Variants in KNTC1 observed in about 807,000 individuals in gnomAD.
KNTC1 encodes kinetochore-associated protein 1.
A neutral mutation model predicts 314.4 loss-of-function variants in KNTC1; 253 were observed. That is an observed-to-expected ratio of 0.80 (90% confidence interval 0.73 to 0.89). The LOEUF (loss-of-function observed/expected upper bound fraction) is 0.89, where lower values mean the gene tolerates loss of function less well. Ranked by LOEUF, KNTC1 falls within the 40% of genes least tolerant of loss-of-function variation. The pLI, the probability that KNTC1 is intolerant of heterozygous loss-of-function variation, is 0.00. For missense variants in KNTC1, 2,475 were observed against 2,572.9 expected (o/e 0.96, Z 0.82); for synonymous variants, 901 against 901.4 (o/e 1.00, Z 0.01).
chr12:122,544,123 A>ATT (rs1220882834), intron 7 of KNTC1, 36 bp from the exon 8 acceptor site: 23 of 841,102 alleles, frequency 2.7e-5, no homozygotes, highest in Non-Finnish European at 4.0e-5. Flanking sequence ...ATAAATATGT[A>ATT]TTATATATAT....
chr12:122,626,101 TA>T, intron 63 of KNTC1, 103 bp from the exon 64 acceptor site: 1 of 778,798 alleles, frequency 1.3e-6, no homozygotes, highest in South Asian at 1.5e-5. Flanking sequence ...GTTTGATATG[TA>T]GATTTGTATC....
chr12:122,557,015 T>A (rs1036527128), intron 16 of KNTC1, among the ~76,000 whole-genome samples: 1 of 150,724 alleles, frequency 6.6e-6, no homozygotes, highest in African/African-American at 2.4e-5. Flanking sequence ...CTCGGCCTCC[T>A]GAGCAGGCTG....
chr12:122,605,222 TGC>T, intron 50 of KNTC1, 82 bp from the exon 51 acceptor site: 1 of 1,064,722 alleles, frequency 9.4e-7, no homozygotes, highest in Non-Finnish European at 1.4e-6. Context: ...TGTATGTATG[TGC>T]ATATATACAC....
At chr12:122,611,909 C>G (rs1873168759) in intron 53 of KNTC1, 1 of 148,090 alleles carries the variant, frequency 6.8e-6, no homozygotes, top group South Asian at 2.1e-4. Flanking sequence ...GTTTTTAGAA[C>G]TTTGTGGATT....
chr12:122,622,050 C>A, intron 61 of KNTC1, 80 bp downstream of exon 61: 1 of 925,690 alleles, frequency 1.1e-6, no homozygotes, highest in Non-Finnish European at 1.7e-6. Flanking sequence ...CAAGAGTAAG[C>A]TGAAAACTGC....
intron 42 of KNTC1, among the ~76,000 whole-genome samples, chr12:122,592,450 T>G (rs1011610727): frequency 1.3e-5 from 2 of 152,232 alleles, no homozygotes; most frequent in Non-Finnish European, 2.9e-5. Context: ...CCTGCAGCCC[T>G]TGGTGCGGGA....
Position 122,584,903 on chromosome 12 carries a change from A to C in KNTC1, c.3447A>C (p.Leu1149=). 6.5e-7 allele frequency: 1 copy of C among 1,536,026 alleles called. No homozygotes were observed. Among genetic ancestry groups the C allele is most frequent in the Non-Finnish European group, 9.0e-7 (1 of 1,114,344 alleles). ...TCCATTTTGTTTCAGATTTTTTACT[A>C]GATGCTTTAGAACTATGTAAACATA... ...AATICSPDFL[L]DALELCKHTL... Residue 1149 remains leucine (L), a synonymous_variant, in exon 36 of 64, where the codon CTA becomes CTC. Transcript: ENST00000333479.
intron 13 of KNTC1, among the ~76,000 whole-genome samples, chr12:122,550,631 T>C (rs1335115265): frequency 1.3e-5 from 2 of 152,092 alleles, no homozygotes; most frequent in Admixed American, 1.3e-4. Context: ...GCCTCCTGAG[T>C]AGCTGGGACT....
Position 122,547,363 on chromosome 12 carries a change from A to G in KNTC1, c.817-52A>G, listed in dbSNP as rs111807636. The G allele has an allele frequency of 0.011, 13,451 of 1,193,676 alleles. 1,065 individuals carry two copies. In the African/African-American group the frequency reaches 0.18, roughly 16 times the overall value. 73.9% of individuals were successfully genotyped at this position (1,193,676 alleles called of 1,614,324 possible). On this transcript the variant is annotated intron_variant, in intron 10 of 63. Transcript: ENST00000333479. ...GCACTCCAGCCTGGGCGACAAGAGC[A>G]AAACTCTGTCTCAAAAAAAAAGGAC...
In KNTC1 at chr12:122,587,933, CAG is replaced by C. The variant is rs144082040; in HGVS notation, c.3894+62_3894+63del. The C allele has an allele frequency of 0.013, 18,318 of 1,443,244 alleles. 1,756 individuals carry two copies. In the African/African-American group the frequency reaches 0.22, roughly 17 times the overall value. 89.4% of individuals were successfully genotyped at this position (1,443,244 alleles called of 1,614,324 possible). A position where few individuals can be genotyped will look rare whatever the true frequency, so the allele number is the denominator to read the frequency against. ...GTGAATATAGATGTAAAAGCGCTAA[CAG>C]AGGAATTTGGAGTCCACGTTTTCCT... On this transcript the variant is annotated intron_variant, in intron 39 of 63. Coordinates refer to ENST00000333479, the MANE Select transcript of KNTC1 (RefSeq NM_014708.6).
chr12:122,608,421 C>CA (rs1224131228), intron 51 of KNTC1, among the ~76,000 whole-genome samples: 1 of 152,160 alleles, frequency 6.6e-6, no homozygotes, highest in African/African-American at 2.4e-5. Context: ...TGAACCACTG[C>CA]ACCTGGCCAC....
intron 62 of KNTC1, among the ~76,000 whole-genome samples, chr12:122,623,610 A>G (rs1724877089): frequency 6.6e-6 from 1 of 152,236 alleles, no homozygotes; most frequent in South Asian, 2.1e-4. Context: ...GTATACCTAT[A>G]AAGCCATCAC....
chr12:122,617,463 A>G (rs189731190), intron 57 of KNTC1: 79 of 438,370 alleles, frequency 1.8e-4, no homozygotes, highest in African/African-American at 1.1e-3. Context: ...AGCTGAAACA[A>G]TCCTCCTGCC....
At chr12:122,529,943 G>A (rs1272334520) in intron 1 of KNTC1, 48 bp from the exon 2 acceptor site, 1 of 1,083,688 alleles carries the variant, frequency 9.2e-7, no homozygotes, top group East Asian at 2.7e-5. Context: ...TTTTTGTTTT[G>A]TGAGTAAGCT....
intron 51 of KNTC1, among the ~76,000 whole-genome samples, chr12:122,605,920 C>T (rs1872536616): frequency 6.6e-6 from 1 of 151,510 alleles, no homozygotes; most frequent in African/African-American, 2.4e-5. Context: ...TGGCTTACTG[C>T]AGACTCGAAT....
chr12:122,552,147 GAT>G (rs1224282394), intron 16 of KNTC1, among the ~76,000 whole-genome samples: 1 of 151,956 alleles, frequency 6.6e-6, no homozygotes, highest in Non-Finnish European at 1.5e-5. Flanking sequence ...ACCTCCTCGT[GAT>G]CTGCCTGTCT....
chr12:122,571,202 T>C (rs1325054120), intron 24 of KNTC1, 76 bp downstream of exon 24: 2 of 1,019,340 alleles, frequency 2.0e-6, no homozygotes, highest in Non-Finnish European at 2.9e-6. Flanking sequence ...GTATGTGAAG[T>C]ATCTGGAAAT....
chr12:122,541,717 C>G (rs1054678023), intron 5 of KNTC1, among the ~76,000 whole-genome samples: 2 of 151,900 alleles, frequency 1.3e-5, no homozygotes, highest in African/African-American at 4.8e-5. Context: ...TATCCATGTG[C>G]CTTTTAAAGT....
chr12:122,625,167 G>A (rs1874884032), intron 63 of KNTC1, among the ~76,000 whole-genome samples: 1 of 152,084 alleles, frequency 6.6e-6, no homozygotes, highest in African/African-American at 2.4e-5. Context: ...CACTTTGGGA[G>A]GCCAAGGGGC....
Sources: gnomAD v4.1 joint callset for allele counts (sites outside exome capture counted in the v4.1 genomes callset) on GRCh38, gnomAD v4.1.1 for gene constraint, MANE v1.5 for transcripts, NCBI Gene and HGNC (gene_info 2026-07-23, HGNC 2026-07-21) for gene names.